ROBO2: variants seen among roughly 807,000 people sequenced by gnomAD.
The protein encoded by ROBO2 is roundabout guidance receptor 2, also known as roundabout homolog 2.
A neutral mutation model predicts 160.8 loss-of-function variants in ROBO2; 53 were observed. The observed-to-expected ratio is 0.33, with a 90% CI of 0.26 to 0.41. The LOEUF (loss-of-function observed/expected upper bound fraction) is 0.41. ROBO2 is among the 10% of genes least tolerant of loss of function. ROBO2 has a pLI of 1.00. For synonymous variants in ROBO2, 664 were observed against 611.7 expected, an observed-to-expected ratio of 1.09 and a Z score of -1.26; for missense variants, 1,577 against 1,722.4, an observed-to-expected ratio of 0.92 and a Z score of 1.49.
At chr3:76,938,377 T>C (rs1445925504) in intron 2 of ROBO2, among the ~76,000 whole-genome samples, 1 of 138,914 alleles carries the variant, frequency 7.2e-6, no homozygotes, top group Non-Finnish European at 1.5e-5. Flanking sequence ...CAAAAAAGGC[T>C]GCATATTGTC....
At chr3:76,760,873 C>T (rs1486184126) in intron 2 of ROBO2, among the ~76,000 whole-genome samples, 9 of 151,396 alleles carry the variant, frequency 5.9e-5, no homozygotes, top group Non-Finnish European at 8.9e-5. Context: ...TTCATATTTG[C>T]AGATTTGTTT....
At chr3:76,046,385 C>T (rs1361767029) in intron 2 of ROBO2, among the ~76,000 whole-genome samples, 1 of 151,940 alleles carries the variant, frequency 6.6e-6, no homozygotes, top group African/African-American at 2.4e-5. Flanking sequence ...CGCGGTGGCT[C>T]ATGCCTGTAA....
At chr3:76,544,190 A>T (rs1370087394) in intron 2 of ROBO2, among the ~76,000 whole-genome samples, 2 of 152,106 alleles carry the variant, frequency 1.3e-5, no homozygotes, top group East Asian at 3.9e-4. Flanking sequence ...CTGTTTACCA[A>T]CATCCTTCCT....
At chr3:76,831,523 T>C (rs1229733334) in intron 2 of ROBO2, among the ~76,000 whole-genome samples, 1 of 152,188 alleles carries the variant, frequency 6.6e-6, no homozygotes, top group African/African-American at 2.4e-5. Context: ...TATGAGGCCA[T>C]GTTTTTCAGC....
chr3:76,469,265 A>G (rs896104911), intron 2 of ROBO2, among the ~76,000 whole-genome samples: 1 of 152,090 alleles, frequency 6.6e-6, no homozygotes, highest in African/African-American at 2.4e-5. Context: ...AATTGCTAAC[A>G]TTTATTGACT....
intron 19 of ROBO2, among the ~76,000 whole-genome samples, chr3:77,597,351 C>T (rs2094331017): frequency 6.6e-6 from 1 of 151,802 alleles, no homozygotes; most frequent in South Asian, 2.1e-4. Flanking sequence ...TGCTAAGTAG[C>T]CACATGCAAG....
chr3:76,717,172 A>T (rs1360680060), intron 2 of ROBO2, among the ~76,000 whole-genome samples: 1 of 152,110 alleles, frequency 6.6e-6, no homozygotes, highest in African/African-American at 2.4e-5. Flanking sequence ...TCTGTTCATC[A>T]TTTCTTCATG....
chr3:75,943,575 G>A (rs990549059), intron 2 of ROBO2, among the ~76,000 whole-genome samples: 1 of 152,096 alleles, frequency 6.6e-6, no homozygotes. Flanking sequence ...ACACATTTTA[G>A]TCTTATCTCT....
intron 2 of ROBO2, among the ~76,000 whole-genome samples, chr3:76,639,290 ATATG>A (rs1263390725): frequency 2.7e-5 from 4 of 150,754 alleles, no homozygotes; most frequent in Admixed American, 6.6e-5. Context: ...ATATAGGTAT[ATATG>A]TATGTGTGTA....
chr3:76,376,872 T>C (rs2076372704), intron 2 of ROBO2, among the ~76,000 whole-genome samples: 1 of 152,106 alleles, frequency 6.6e-6, no homozygotes. Flanking sequence ...CCCTGGCTTT[T>C]GAAACGGTTC....
intron 1 of ROBO2, among the ~76,000 whole-genome samples, chr3:75,925,996 G>T (rs767540396): frequency 7.2e-5 from 11 of 152,132 alleles, no homozygotes; most frequent in Non-Finnish European, 1.5e-5. Context: ...GATAAACAAC[G>T]TGTAGTGCAC....
chr3:76,403,638 G>A (rs1013176115), intron 2 of ROBO2, among the ~76,000 whole-genome samples: 2 of 151,510 alleles, frequency 1.3e-5, no homozygotes, highest in Non-Finnish European at 3.0e-5. Flanking sequence ...ACAAGGTATG[G>A]TTTGAAGACA....
chr3:77,171,706 G>T (rs2150747337), intron 2 of ROBO2, among the ~76,000 whole-genome samples: 1 of 152,270 alleles, frequency 6.6e-6, no homozygotes, highest in Non-Finnish European at 1.5e-5. Flanking sequence ...TCATTTAAAT[G>T]GTGGAGTATG....
chr3:76,476,446 C>T (rs1051170864), intron 2 of ROBO2, among the ~76,000 whole-genome samples: 3 of 152,080 alleles, frequency 2.0e-5, no homozygotes, highest in Non-Finnish European at 4.4e-5. Flanking sequence ...CTGATGATGT[C>T]GGAAACAACA....
intron 1 of ROBO2, among the ~76,000 whole-genome samples, chr3:77,093,289 T>C (rs1407760174): frequency 6.6e-6 from 1 of 152,178 alleles, no homozygotes; most frequent in African/African-American, 2.4e-5. Context: ...GCTCACACTT[T>C]AGATGTCCAA....
At chr3:76,392,315 T>G (rs1308133108) in intron 2 of ROBO2, among the ~76,000 whole-genome samples, 3 of 152,184 alleles carry the variant, frequency 2.0e-5, no homozygotes, top group African/African-American at 7.2e-5. Flanking sequence ...TTTACAGCCC[T>G]GCATGGTTTA....
chr3:75,988,186 T>C (rs968433041), intron 2 of ROBO2, among the ~76,000 whole-genome samples: 1 of 152,098 alleles, frequency 6.6e-6, no homozygotes, highest in African/African-American at 2.4e-5. Context: ...GCTAGATTTT[T>C]TATTACAGAT....
chr3:77,200,276 TATA>T (rs2082737677), intron 2 of ROBO2, among the ~76,000 whole-genome samples: 1 of 26,536 alleles, frequency 3.8e-5, no homozygotes, highest in African/African-American at 2.4e-4. Context: ...TTTATATATA[TATA>T]TATATATATA....
At chr3:76,611,557 A>G (rs962432518) in intron 2 of ROBO2, among the ~76,000 whole-genome samples, 5 of 152,090 alleles carry the variant, frequency 3.3e-5, no homozygotes, top group Admixed American at 2.0e-4. Flanking sequence ...TTATTGGCAT[A>G]CCGCTGCTCA....
Sources: gnomAD v4.1 joint callset for allele counts (sites outside exome capture counted in the v4.1 genomes callset) on GRCh38, gnomAD v4.1.1 for gene constraint, MANE v1.5 for transcripts, NCBI Gene and HGNC (gene_info 2026-07-23, HGNC 2026-07-21) for gene names.